SEPSECS: variants seen among roughly 807,000 people sequenced by gnomAD.
SEPSECS encodes the protein O-phosphoseryl-tRNA(Sec) selenium transferase.
Under a neutral mutation model 52.1 loss-of-function variants are expected in SEPSECS, and 42 were observed. The observed-to-expected ratio is 0.81, with a 90% CI of 0.63 to 1.04. The LOEUF is 1.04. SEPSECS is among the 50% of genes least tolerant of loss of function. SEPSECS has a pLI of 0.00. For missense variants in SEPSECS, 590 were observed against 610.6 expected (o/e 0.97, Z 0.36); for synonymous variants, 216 against 211.4 (o/e 1.02, Z -0.19).
At chr4:25,155,242 A>G in intron 4 of SEPSECS, 91 bp from the exon 5 acceptor site, 3 of 1,337,620 alleles carry the variant, frequency 2.2e-6, no homozygotes, top group Non-Finnish European at 3.2e-6. Flanking sequence ...TCTACACAAG[A>G]ACTCTTAATA....
At chr4:25,147,089 C>T (rs780900413) in intron 6 of SEPSECS, among the ~76,000 whole-genome samples, 6 of 152,218 alleles carry the variant, frequency 3.9e-5, no homozygotes, top group African/African-American at 9.6e-5. Context: ...ATTCCAAGCA[C>T]GCTCCTGCCT....
At chr4:25,150,502 G>T (rs1269519737) in intron 6 of SEPSECS, among the ~76,000 whole-genome samples, 3 of 152,014 alleles carry the variant, frequency 2.0e-5, no homozygotes, top group African/African-American at 7.2e-5. Context: ...ATATCAAATG[G>T]TGATAAGTGT....
chr4:25,155,798 C>T lies in SEPSECS; in HGVS notation c.547+239G>A, dbSNP rs539456362. Among the ~76,000 whole-genome samples, 13 of 152,178 alleles carry T rather than the reference C, an allele frequency of 8.5e-5. No homozygotes were observed. In the South Asian group the frequency reaches 2.3e-3, roughly 27 times the overall value. On this transcript the variant is annotated intron_variant, in intron 4 of 10. Transcript: ENST00000382103. ...AAACAGTACACTTAACTAGTATATACGCAAAGGTCCCCCAACAAATAATAA... is the reference window on the plus strand; with the variant it reads ...AAACAGTACACTTAACTAGTATATATGCAAAGGTCCCCCAACAAATAATAA...
At chr4:25,149,912 T>A (rs73252526) in intron 6 of SEPSECS, among the ~76,000 whole-genome samples, 14,283 of 152,006 alleles carry the variant, frequency 0.094, 856 homozygotes, top group South Asian at 0.2. Context: ...TCTCTAAAGG[T>A]TTTAAGAAAT....
At chr4:25,145,502 A>G (rs1378968895) in intron 6 of SEPSECS, among the ~76,000 whole-genome samples, 2 of 152,232 alleles carry the variant, frequency 1.3e-5, no homozygotes, top group Non-Finnish European at 2.9e-5. Context: ...TTTCACACAT[A>G]AATCATTTAA....
chr4:25,155,137 C>A lies in SEPSECS; in HGVS notation c.562G>T (p.Val188Leu), dbSNP rs757630688. The A allele has an allele frequency of 3.1e-6, 5 of 1,614,088 alleles. No homozygotes were observed. In the South Asian group the frequency reaches 5.5e-5, roughly 18 times the overall value. Reference protein sequence around the residue: ...SMITAGFEPVVIENVLEGDEL... With the variant: ...SMITAGFEPVLIENVLEGDEL... ...TCACCTTCCAAAACATTTTCTATCA[C>A]CACAGGCTCAAAACCTAACCAAACC... Residue 188 changes from valine to leucine, a missense_variant, in exon 5 of 11, where the codon GTG (valine) becomes TTG (leucine). Val to Leu is a conservative substitution (Grantham distance 32, BLOSUM62 1). Transcript: ENST00000382103.
rs1352326397 is a variant in SEPSECS at position 25,122,877 on chromosome 4, C to T, written c.*1054G>A. 6.6e-6 allele frequency: 1 copy of T among 152,140 alleles called. No individual in the cohort carries two copies. Among genetic ancestry groups the T allele is most frequent in the East Asian group, 1.9e-4 (1 of 5,202 alleles). The allele number at this position is 152,140 out of a possible 1,614,324, so 9.4% of individuals were successfully genotyped here. ...GAGGGGAATACACCTGTTTATCATA[C>T]TATGTGATTTTCATCTTCCTGGCAA... On this transcript the variant is annotated 3_prime_UTR_variant, in exon 11 of 11. Transcript: ENST00000382103.
At chr4:25,144,053 GA>G (rs1425444193) in intron 8 of SEPSECS, among the ~76,000 whole-genome samples, 4 of 152,116 alleles carry the variant, frequency 2.6e-5, no homozygotes, top group Admixed American at 6.5e-5. Context: ...ATAATGACAA[GA>G]AATAGGCCAG....
chr4:25,160,230 T>C, intron 1 of SEPSECS, 26 bp downstream of exon 1: 4 of 1,549,272 alleles, frequency 2.6e-6, no homozygotes, highest in Non-Finnish European at 3.5e-6. Context: ...TCGCGGCGGC[T>C]GGGGAGGGGA....
intron 8 of SEPSECS, among the ~76,000 whole-genome samples, chr4:25,130,737 C>T (rs1277998266): frequency 2.0e-5 from 3 of 152,096 alleles, no homozygotes; most frequent in African/African-American, 7.2e-5. Context: ...ATTAATATTA[C>T]TACATTTTAA....
chr4:25,141,739 T>C (rs1200897706), intron 8 of SEPSECS, among the ~76,000 whole-genome samples: 1 of 152,202 alleles, frequency 6.6e-6, no homozygotes, highest in Non-Finnish European at 1.5e-5. Context: ...TCACTCAGAA[T>C]ATGAGGCACG....
chr4:25,148,705 A>AAG (rs1200325521), intron 6 of SEPSECS, among the ~76,000 whole-genome samples: 8 of 152,316 alleles, frequency 5.3e-5, no homozygotes, highest in Non-Finnish European at 8.8e-5. Context: ...AAATACCTAG[A>AAG]AGAGAGTATG....
rs547250011 is a variant in SEPSECS, at chr4:25,127,308, T to C, written c.1076A>G (p.Tyr359Cys). The C allele has an allele frequency of 1.9e-6, 3 of 1,613,382 alleles. No homozygotes were observed. The highest frequency in any genetic ancestry group is 1.6e-4 in the Middle Eastern group (1 of 6,080). ...SNQIKKLSEA[Y>C]NERLLHTPHN... is the part of the protein sequence containing the mutation. ...AGGTGTATGCAACAGTCTTTCATTG[T>C]AGGCTTCTGACAACTTCTTTATTTG... The change falls in exon 9 of 11, where the codon TAC (tyrosine) becomes TGC (cysteine). Residue 359 changes from tyrosine (Y) to cysteine (C), a missense_variant. Coordinates refer to ENST00000382103, the MANE Select transcript of SEPSECS (RefSeq NM_016955.4).
At chr4:25,158,615 T>C (rs1000016880) in intron 2 of SEPSECS, among the ~76,000 whole-genome samples, 1 of 151,068 alleles carries the variant, frequency 6.6e-6, no homozygotes, top group African/African-American at 2.4e-5. Context: ...AAAAGAAATA[T>C]GGAAAGCTAT....
intron 4 of SEPSECS, 35 bp downstream of exon 4, chr4:25,155,999 TATG>T (rs755245157): frequency 1.9e-6 from 3 of 1,549,604 alleles, no homozygotes; most frequent in Admixed American, 1.7e-5. Context: ...ATTTCATAAT[TATG>T]ATGTTTAAAA....
intron 9 of SEPSECS, among the ~76,000 whole-genome samples, chr4:25,126,404 C>G (rs932804560): frequency 6.6e-6 from 1 of 152,116 alleles, no homozygotes; most frequent in Admixed American, 6.6e-5. Flanking sequence ...CATAAATCAG[C>G]AAAGGACTAA....
intron 8 of SEPSECS, among the ~76,000 whole-genome samples, chr4:25,137,218 A>G (rs996233330): frequency 6.6e-6 from 1 of 152,248 alleles, no homozygotes; most frequent in Non-Finnish European, 1.5e-5. Flanking sequence ...AACAAATGTG[A>G]TCTAATTAAA....
chr4:25,132,492 A>G (rs796127888), intron 8 of SEPSECS, among the ~76,000 whole-genome samples: 15 of 152,312 alleles, frequency 9.8e-5, no homozygotes, highest in African/African-American at 3.4e-4. Flanking sequence ...CAACAAATCC[A>G]ATAAAAAAAC....
In SEPSECS at chr4:25,160,289, C is replaced by G; in HGVS notation, c.81G>C (p.Ser27=). 6.4e-7 allele frequency: 1 copy of G among 1,554,386 alleles called. No homozygotes were observed. ...GAAGCAGCCGTATGAGGTGCTCATG[C>G]GAGCGGCGGGCCTCACAGCCCTGCC... is the stretch of plus-strand genomic sequence containing the variant. ...YVRQGCEARR[S]HEHLIRLLLE... Residue 27 remains serine (S), a synonymous_variant, in exon 1 of 11, where the codon TCG becomes TCC. Transcript: ENST00000382103.
Sources: allele counts gnomAD v4.1 joint callset (sites outside exome capture counted in the v4.1 genomes callset), GRCh38; gene constraint gnomAD v4.1.1; transcripts MANE v1.5; gene names NCBI Gene and HGNC (gene_info 2026-07-23, HGNC 2026-07-21).